Variants in SLC25A18 observed in about 807,000 individuals in gnomAD.
SLC25A18 encodes the protein mitochondrial glutamate carrier 2.
Under a neutral mutation model 31.1 loss-of-function variants are expected in SLC25A18, and 24 were observed. The ratio of observed to expected loss-of-function variants is 0.77; its 90% CI spans 0.56 to 1.08. The LOEUF is 1.08. Ranked by LOEUF, SLC25A18 falls within the 50% of genes least tolerant of loss-of-function variation. SLC25A18 has a pLI of 0.00. For synonymous variants in SLC25A18, 173 were observed against 161.9 expected, an observed-to-expected ratio of 1.07 and a Z score of -0.52; for missense variants, 371 against 418.5, an observed-to-expected ratio of 0.89 and a Z score of 0.99.
intron 2 of SLC25A18, among the ~76,000 whole-genome samples, chr22:17,573,858 T>A (rs2057159793): frequency 6.6e-6 from 1 of 152,184 alleles, no homozygotes. Flanking sequence ...CTGAAGGGTC[T>A]CCTAATTGGC....
At chr22:17,582,695 T>G in intron 6 of SLC25A18, 42 bp downstream of exon 6, 2 of 1,525,548 alleles carry the variant, frequency 1.3e-6, no homozygotes, top group Non-Finnish European at 1.8e-6. Flanking sequence ...CACTGTGTGT[T>G]TTTTGGGAGA....
At chr22:17,563,789 G>T in intron 1 of SLC25A18, 76 bp downstream of exon 1, 1 of 847,512 alleles carries the variant, frequency 1.2e-6, no homozygotes, top group Non-Finnish European at 1.4e-6. Context: ...GGGAAAAATA[G>T]CCTCATCTGC....
At chr22:17,581,324 GCA>G (rs755818801) in intron 4 of SLC25A18, 32 bp from the exon 5 acceptor site, 10 of 1,612,922 alleles carry the variant, frequency 6.2e-6, no homozygotes, top group African/African-American at 1.3e-5. Flanking sequence ...GAGGCCCGCT[GCA>G]CACTTACTCC....
intron 2 of SLC25A18, among the ~76,000 whole-genome samples, chr22:17,575,900 T>G (rs2057218478): frequency 6.6e-6 from 1 of 152,226 alleles, no homozygotes; most frequent in South Asian, 2.1e-4. Context: ...CCCAAGGCGG[T>G]GACAGGGAGC....
intron 7 of SLC25A18, chr22:17,585,479 T>A (rs1476087205): frequency 1.3e-5 from 2 of 152,036 alleles, no homozygotes; most frequent in African/African-American, 4.8e-5. Context: ...ATCTGGGACA[T>A]GACATTGGGA....
At chr22:17,572,222 C>T (rs957826843) in intron 2 of SLC25A18, among the ~76,000 whole-genome samples, 2 of 151,530 alleles carry the variant, frequency 1.3e-5, no homozygotes, top group African/African-American at 4.9e-5. Context: ...AGTGGCTCAC[C>T]CCTGTAATCC....
At chr22:17,580,976 C>G in intron 3 of SLC25A18, 61 bp from the exon 4 acceptor site, 1 of 1,493,924 alleles carries the variant, frequency 6.7e-7, no homozygotes, top group South Asian at 1.3e-5. Flanking sequence ...CTGGCTGCAT[C>G]CGCTCCCTAA....
chr22:17,589,485 G>C (rs2057654569), intron 9 of SLC25A18, 105 bp from the exon 10 acceptor site: 2 of 1,035,106 alleles, frequency 1.9e-6, no homozygotes, highest in Non-Finnish European at 1.5e-6. Flanking sequence ...CTATGAGTCA[G>C]TTTTATATGT....
intron 2 of SLC25A18, among the ~76,000 whole-genome samples, chr22:17,573,390 T>G (rs1431493997): frequency 1.3e-5 from 2 of 152,066 alleles, no homozygotes; most frequent in African/African-American, 4.8e-5. Context: ...AAAACCTGTC[T>G]GCTTCTGACT....
chr22:17,570,768 G>A (rs568367880), intron 2 of SLC25A18, among the ~76,000 whole-genome samples: 1 of 152,284 alleles, frequency 6.6e-6, no homozygotes, highest in South Asian at 2.1e-4. Flanking sequence ...TTACAGGCGT[G>A]AGCCACCGTG....
Position 17,586,992 on chromosome 22 carries a change from A to C in SLC25A18, c.410-144A>C, listed in dbSNP as rs930175843. 1.5e-5 allele frequency: 14 copies of C among 931,250 alleles called. No homozygotes were observed. The Admixed American group carries it at 3.3e-4, about 22-fold the overall frequency. The allele number at this position is 931,250 out of a possible 1,614,324, so 57.7% of individuals were successfully genotyped here. Reference sequence around the variant, plus strand: ...TCAGAGCCAAAAATTAACATTCTAAAATTAGGACATTCTTCTGGATGCCAG... The same window carrying C: ...TCAGAGCCAAAAATTAACATTCTAACATTAGGACATTCTTCTGGATGCCAG... On this transcript the variant is annotated intron_variant, in intron 7 of 10. Coordinates refer to ENST00000327451, the MANE Select transcript of SLC25A18 (RefSeq NM_031481.3).
intron 2 of SLC25A18, among the ~76,000 whole-genome samples, chr22:17,579,334 G>A (rs1601307469): frequency 6.6e-6 from 1 of 152,014 alleles, no homozygotes; most frequent in Admixed American, 6.6e-5. Flanking sequence ...CAATCCGCCC[G>A]CCTCGGCCTC....
At chr22:17,580,726 C>G (rs565700365) in intron 3 of SLC25A18, 13 of 1,119,154 alleles carry the variant, frequency 1.2e-5, no homozygotes, top group Non-Finnish European at 1.3e-5. Context: ...AGCCAGAGGA[C>G]GGGCCGGGGA....
intron 1 of SLC25A18, among the ~76,000 whole-genome samples, chr22:17,564,914 AATT>A (rs746761353): frequency 2.6e-4 from 40 of 151,170 alleles, no homozygotes; most frequent in Admixed American, 1.8e-3. Flanking sequence ...ACAAAAAAAT[AATT>A]GTTTTAATTA....
chr22:17,568,548 A>T (rs1225970833), intron 1 of SLC25A18, among the ~76,000 whole-genome samples: 1 of 143,230 alleles, frequency 7.0e-6, no homozygotes, highest in African/African-American at 2.5e-5. Context: ...GAGAATATAA[A>T]GTACATCTTT....
chr22:17,590,526 G>T lies in SLC25A18; in HGVS notation c.*290G>T. ...TGGTACTTTCGTTGTATTAATTGCA[G>T]GACCTTAACAGGTAGTCACAATAGA... On this transcript the variant is annotated 3_prime_UTR_variant, in exon 11 of 11. Coordinates refer to ENST00000327451, the MANE Select transcript of SLC25A18 (RefSeq NM_031481.3). 2 of 333,612 alleles carry T rather than the reference G, an allele frequency of 6.0e-6. No individual in the cohort carries two copies. Among genetic ancestry groups the T allele is most frequent in the South Asian group, 5.9e-5 (1 of 16,882 alleles). 20.7% of individuals were successfully genotyped at this position (333,612 alleles called of 1,614,324 possible). A position where few individuals can be genotyped will look rare whatever the true frequency, so the allele number is the denominator to read the frequency against.
chr22:17,571,716 C>G (rs2057091288), intron 2 of SLC25A18, among the ~76,000 whole-genome samples: 1 of 151,188 alleles, frequency 6.6e-6, no homozygotes, highest in Admixed American at 6.6e-5. Flanking sequence ...GGTCACACCA[C>G]CGCACTCCAG....
intron 1 of SLC25A18, among the ~76,000 whole-genome samples, chr22:17,564,090 C>T (rs1035566110): frequency 8.5e-5 from 13 of 152,160 alleles, no homozygotes; most frequent in African/African-American, 2.9e-4. Flanking sequence ...CCTCTTTTGC[C>T]CTGGCTCCAC....
At chr22:17,581,209 T>G (rs773177161) in intron 4 of SLC25A18, 50 bp downstream of exon 4, 4 of 1,569,054 alleles carry the variant, frequency 2.5e-6, no homozygotes, top group Non-Finnish European at 3.5e-6. Flanking sequence ...GGGGGAGGGA[T>G]GGGGCCCCCT....
Sources: gnomAD v4.1 joint callset for allele counts (sites outside exome capture counted in the v4.1 genomes callset) on GRCh38, gnomAD v4.1.1 for gene constraint, MANE v1.5 for transcripts, NCBI Gene and HGNC (gene_info 2026-07-23, HGNC 2026-07-21) for gene names.